DTNA: variants seen among roughly 807,000 people sequenced by gnomAD.
The protein encoded by DTNA is dystrobrevin alpha, also known as dystrophin-related protein 3.
A neutral mutation model predicts 100.7 loss-of-function variants in DTNA; 43 were observed. The observed-to-expected ratio is 0.43, with a 90% CI of 0.33 to 0.55. The LOEUF (loss-of-function observed/expected upper bound fraction) is 0.55, where lower values mean the gene tolerates loss of function less well. DTNA is among the 20% of genes least tolerant of loss of function. The probability of loss-of-function intolerance (pLI) is 0.04; values close to 1 mark genes in which losing one functional copy is unlikely to be tolerated. For missense variants in DTNA, 798 were observed against 953.9 expected, an observed-to-expected ratio of 0.84 and a Z score of 2.15; for synonymous variants, 349 against 347.9, an observed-to-expected ratio of 1.00 and a Z score of -0.04.
chr18:34,535,979 T>G (rs1407615690), intron 1 of DTNA, among the ~76,000 whole-genome samples: 2 of 152,076 alleles, frequency 1.3e-5, no homozygotes, highest in Non-Finnish European at 2.9e-5. Context: ...AAAAATAAGT[T>G]TACCTCTGCT....
intron 1 of DTNA, among the ~76,000 whole-genome samples, chr18:34,641,531 T>G (rs2059278439): frequency 6.6e-6 from 1 of 152,240 alleles, no homozygotes; most frequent in Non-Finnish European, 1.5e-5. Context: ...AATCATACTT[T>G]TCTTGAATCT....
intron 8 of DTNA, among the ~76,000 whole-genome samples, chr18:34,819,202 T>C (rs186995145): frequency 5.9e-5 from 9 of 152,360 alleles, no homozygotes; most frequent in Admixed American, 5.9e-4. Flanking sequence ...TATTTTAATA[T>C]ATTTCAATTC....
chr18:34,569,509 A>T (rs2047383479), intron 1 of DTNA, among the ~76,000 whole-genome samples: 1 of 152,174 alleles, frequency 6.6e-6, no homozygotes, highest in Admixed American at 6.5e-5. Context: ...GGTGGGACTG[A>T]GTCTTGAGAA....
At chr18:34,563,207 A>G (rs1302275060) in intron 1 of DTNA, among the ~76,000 whole-genome samples, 1 of 152,150 alleles carries the variant, frequency 6.6e-6, no homozygotes, top group Non-Finnish European at 1.5e-5. Flanking sequence ...CTGGTTCCCT[A>G]CTGGGAAGGT....
intron 4 of DTNA, among the ~76,000 whole-genome samples, chr18:34,799,537 T>G (rs2095124830): frequency 6.6e-6 from 1 of 152,260 alleles, no homozygotes; most frequent in Non-Finnish European, 1.5e-5. Flanking sequence ...TGTTCTTCTC[T>G]TTTATTATCT....
chr18:34,581,437 T>A (rs892971678), intron 1 of DTNA, among the ~76,000 whole-genome samples: 2 of 152,138 alleles, frequency 1.3e-5, no homozygotes, highest in East Asian at 3.9e-4. Flanking sequence ...AATTAATTTC[T>A]TTGGATTTCT....
intron 1 of DTNA, among the ~76,000 whole-genome samples, chr18:34,519,699 C>T (rs2041981376): frequency 6.6e-6 from 1 of 152,114 alleles, no homozygotes. Flanking sequence ...AATGAAGTCT[C>T]ATACAGAACT....
At chr18:34,827,523 A>C in intron 9 of DTNA, 70 bp from the exon 10 acceptor site, 1 of 1,428,598 alleles carries the variant, frequency 7.0e-7, no homozygotes, top group Non-Finnish European at 9.9e-7. Flanking sequence ...TCCTGGAGGG[A>C]TGAGGGAGAG....
intron 1 of DTNA, among the ~76,000 whole-genome samples, chr18:34,740,593 C>T (rs1464443859): frequency 6.6e-6 from 1 of 152,016 alleles, no homozygotes; most frequent in Non-Finnish European, 1.5e-5. Context: ...GTTTTGAGAG[C>T]AGCCTGGGTG....
intron 1 of DTNA, among the ~76,000 whole-genome samples, chr18:34,675,145 A>G (rs2077242928): frequency 6.6e-6 from 1 of 152,068 alleles, no homozygotes; most frequent in African/African-American, 2.4e-5. Flanking sequence ...TGGACTATTC[A>G]TTATTTGGCT....
chr18:34,573,919 A>T (rs991039638), intron 1 of DTNA: 2 of 152,256 alleles, frequency 1.3e-5, no homozygotes, highest in African/African-American at 4.8e-5. Flanking sequence ...GATTCTACAT[A>T]TAAGGGAAGG....
At chr18:34,871,739 G>A (rs1189524070) in intron 17 of DTNA, among the ~76,000 whole-genome samples, 1 of 152,238 alleles carries the variant, frequency 6.6e-6, no homozygotes. Context: ...AGGAAGGCCA[G>A]AGATGGCATT....
chr18:34,857,554 G>T (rs1407767811), intron 15 of DTNA, among the ~76,000 whole-genome samples: 3 of 152,150 alleles, frequency 2.0e-5, no homozygotes, highest in African/African-American at 2.4e-5. Flanking sequence ...GGAAGCCCAG[G>T]CTCTGACATC....
chr18:34,859,124 AC>A (rs1469086532), intron 16 of DTNA, among the ~76,000 whole-genome samples: 1 of 152,164 alleles, frequency 6.6e-6, no homozygotes, highest in Non-Finnish European at 1.5e-5. Flanking sequence ...ACCTTCCTGT[AC>A]TATAAAGGAA....
At chr18:34,673,652 T>C (rs2077044727) in intron 1 of DTNA, among the ~76,000 whole-genome samples, 1 of 152,170 alleles carries the variant, frequency 6.6e-6, no homozygotes, top group Non-Finnish European at 1.5e-5. Context: ...CAGGCCATCA[T>C]ATTATTTCTT....
At chr18:34,539,805 A>G (rs1157348143) in intron 1 of DTNA, among the ~76,000 whole-genome samples, 1 of 151,854 alleles carries the variant, frequency 6.6e-6, no homozygotes, top group Non-Finnish European at 1.5e-5. Flanking sequence ...TGTTGTCTTT[A>G]TGTTTTTTTC....
chr18:34,800,030 A>G (rs1016728747), intron 4 of DTNA, among the ~76,000 whole-genome samples: 1 of 152,242 alleles, frequency 6.6e-6, no homozygotes, highest in African/African-American at 2.4e-5. Flanking sequence ...GCCCCAAACC[A>G]GAGTTAATTA....
At chr18:34,538,740 C>T (rs2043962881) in intron 1 of DTNA, among the ~76,000 whole-genome samples, 1 of 151,728 alleles carries the variant, frequency 6.6e-6, no homozygotes, top group African/African-American at 2.4e-5. Context: ...CAATATTTAC[C>T]TCATGCAAAA....
intron 1 of DTNA, among the ~76,000 whole-genome samples, chr18:34,731,350 G>A (rs1190662192): frequency 6.6e-6 from 1 of 151,950 alleles, no homozygotes; most frequent in Admixed American, 6.6e-5. Flanking sequence ...GCGGTGGCGG[G>A]CGCCTGTAGT....
Sources: gnomAD v4.1 joint callset for allele counts (sites outside exome capture counted in the v4.1 genomes callset) on GRCh38, gnomAD v4.1.1 for gene constraint, MANE v1.5 for transcripts, NCBI Gene and HGNC (gene_info 2026-07-23, HGNC 2026-07-21) for gene names.